ZNF7: variants seen among roughly 807,000 people sequenced by gnomAD.
ZNF7 encodes C2-H2 type zinc finger protein.
In ZNF7, 10 loss-of-function variants were observed where a neutral mutation model predicts 12.0. That is an observed-to-expected ratio of 0.83 (90% CI 0.51 to 1.42). The LOEUF (loss-of-function observed/expected upper bound fraction) is 1.42. Among genes scored for constraint, ZNF7 ranks in the 40% most tolerant of loss-of-function variants. ZNF7 has a pLI of 0.00. For missense variants in ZNF7, 854 were observed against 837.2 expected (o/e 1.02, Z -0.25); for synonymous variants, 334 against 295.0 (o/e 1.13, Z -1.35).
At position 144,843,235 on chromosome 8, in the gene ZNF7, GAATCGTTTA is replaced by G; in HGVS notation, c.*68_*76del. 6.8e-7 allele frequency: 1 copy of G among 1,478,990 alleles called. No homozygotes were observed. Among genetic ancestry groups the G allele is most frequent in the Admixed American group, 2.3e-5 (1 of 43,180 alleles). The allele number at this position is 1,478,990 out of a possible 1,614,324, so 91.6% of individuals were successfully genotyped here. A position where few individuals can be genotyped will look rare whatever the true frequency, so the allele number is the denominator to read the frequency against. ...AGCCTTAACTTACTTATTTTATATGGAATCGTTTATACTGACAAACATGTAGAATGTTGG... is the reference window on the plus strand; with the variant it reads ...AGCCTTAACTTACTTATTTTATATGGTACTGACAAACATGTAGAATGTTGG... On this transcript the variant is annotated 3_prime_UTR_variant, in exon 5 of 5. Transcript: ENST00000532777.
At chr8:144,835,140 C>G (rs1828847641) in intron 3 of ZNF7, 1 of 151,890 alleles carries the variant, frequency 6.6e-6, no homozygotes. Context: ...TCTGTAAAAC[C>G]ATCGGGACCT....
downstream of ZNF7, chr8:144,846,113 C>T: frequency 6.5e-7 from 1 of 1,536,000 alleles, no homozygotes; most frequent in Non-Finnish European, 8.7e-7. Flanking sequence ...GTCATCTCCT[C>T]TTGGCCACTT....
Position 144,842,939 on chromosome 8 carries a change from A to G in ZNF7, c.1832A>G (p.Glu611Gly), listed in dbSNP as rs748846039. 6.2e-7 allele frequency: 1 copy of G among 1,614,208 alleles called. No homozygotes were observed. The highest frequency in any genetic ancestry group is 8.5e-7 in the Non-Finnish European group (1 of 1,180,020). Residue 611 changes from glutamate to glycine, a missense_variant, in exon 5 of 5, where the codon GAA becomes GGA. Transcript: ENST00000532777. The part of the protein sequence containing the change: ...RIHTRAQWFY[E>G]YGNALEGSTF... Reference sequence around the variant, plus strand: ...CACACTAGGGCCCAGTGGTTTTACGAATATGGGAATGCCCTGGAAGGGTCC... The same window carrying G: ...CACACTAGGGCCCAGTGGTTTTACGGATATGGGAATGCCCTGGAAGGGTCC...
chr8:144,832,763 A>T (rs1267856532), intron 3 of ZNF7, among the ~76,000 whole-genome samples: 2 of 152,184 alleles, frequency 1.3e-5, no homozygotes, highest in Non-Finnish European at 2.9e-5. Context: ...GGTCACTGAG[A>T]TGGGCTTCAT....
chr8:144,837,948 G>A, intron 4 of ZNF7: 1 of 644,708 alleles, frequency 1.6e-6, no homozygotes, highest in South Asian at 1.7e-5. Flanking sequence ...TCCTGTGGCT[G>A]CCATAACAAT....
At chr8:144,837,887 C>T in intron 4 of ZNF7, 1 of 581,030 alleles carries the variant, frequency 1.7e-6, no homozygotes, top group South Asian at 2.1e-5. Flanking sequence ...TAAGCATATT[C>T]CCTGAGGCAG....
chr8:144,843,838 T>G (rs1384374210), downstream of ZNF7: 2 of 152,174 alleles, frequency 1.3e-5, no homozygotes, highest in Admixed American at 6.5e-5. Flanking sequence ...TCACACTGGC[T>G]TCAACAATAC....
chr8:144,829,069 C>G lies in ZNF7; in HGVS notation c.-19C>G, dbSNP rs367573823. ...TCTCTCGGCCAGAACACGTGGATGC[C>G]CACCCACCACTGAGCCTCATGGTAG... is the stretch of plus-strand genomic sequence containing the variant. On this transcript the variant is annotated 5_prime_UTR_variant, in exon 2 of 5. Transcript: ENST00000532777. 1 of 1,614,042 alleles carries G rather than the reference C, an allele frequency of 6.2e-7. No individual in the cohort carries two copies. The highest frequency in any genetic ancestry group is 1.7e-5 in the Admixed American group (1 of 60,006).
chr8:144,845,972 A>G (rs1563851769), downstream of ZNF7: 10 of 1,536,186 alleles, frequency 6.5e-6, no homozygotes, highest in Non-Finnish European at 8.7e-6. Context: ...CTTTTTCTCT[A>G]CTTCAGGCTT....
chr8:144,837,380 C>G lies in ZNF7; in HGVS notation c.131-11C>G. ...ATGCTGACACTGTTGTCTTCTCTGC[C>G]GCACACACAGCAGGATTCCTGGTTT... On this transcript the variant is annotated splice_polypyrimidine_tract_variant and intron_variant, in intron 3 of 4. Coordinates refer to ENST00000532777, the MANE Select transcript of ZNF7 (RefSeq NM_003416.4). 1.9e-6 allele frequency: 3 copies of G among 1,599,104 alleles called. No individual in the cohort carries two copies. The Admixed American group carries it at 5.0e-5, about 27-fold the overall frequency.
chr8:144,828,015 A>G (rs1416679550), intron 1 of ZNF7: 1 of 152,266 alleles, frequency 6.6e-6, no homozygotes, highest in Non-Finnish European at 1.5e-5. Context: ...AAGGCCTAGG[A>G]TAAGTGACAG....
chr8:144,838,858 T>C (rs1165981987), intron 4 of ZNF7: 2 of 142,270 alleles, frequency 1.4e-5, no homozygotes, highest in African/African-American at 2.6e-5. Context: ...AGGAGAATGG[T>C]GTGAGCCCAG....
downstream of ZNF7, chr8:144,846,415 T>G: frequency 2.1e-6 from 1 of 487,508 alleles, no homozygotes; most frequent in Non-Finnish European, 3.7e-6. Context: ...AATTTGACTG[T>G]GCACAGTGTC....
chr8:144,843,385 T>A lies in ZNF7; in HGVS notation c.*217T>A, dbSNP rs561183404. The A allele has an allele frequency of 2.6e-5, 13 of 494,838 alleles. No homozygotes were observed. Among genetic ancestry groups the A allele is most frequent in the Non-Finnish European group, 3.8e-5 (11 of 291,090 alleles). 30.7% of individuals were successfully genotyped at this position (494,838 alleles called of 1,614,324 possible). A position where few individuals can be genotyped will look rare whatever the true frequency, so the allele number is the denominator to read the frequency against. On this transcript the variant is annotated 3_prime_UTR_variant, in exon 5 of 5. Transcript: ENST00000532777. The stretch of plus-strand genomic sequence containing the variant: ...CGGGCACATCACGAGGTCAGGAGGT[T>A]GAGACCATCCTGGGTAACAGGTGAA...
chr8:144,833,119 A>G (rs979284273), intron 3 of ZNF7, among the ~76,000 whole-genome samples: 2 of 148,102 alleles, frequency 1.4e-5, no homozygotes, highest in African/African-American at 5.0e-5. Flanking sequence ...AATCGCTTGA[A>G]CCTGGGAGGT....
Position 144,842,165 on chromosome 8 carries a change from A to G in ZNF7, c.1058A>G (p.Gln353Arg). Residue 353 changes from glutamine to arginine, a missense_variant, in exon 5 of 5, where the codon CAG becomes CGG. Coordinates refer to ENST00000532777, the MANE Select transcript of ZNF7 (RefSeq NM_003416.4). ...FSQQSQLVRH[Q>R]RTHTGERPYP... ...CAGCAGTCGCAGCTGGTTAGACACCAGAGAACTCACACTGGGGAGAGGCCC... is the reference window on the plus strand; with the variant it reads ...CAGCAGTCGCAGCTGGTTAGACACCGGAGAACTCACACTGGGGAGAGGCCC... 6.2e-7 allele frequency: 1 copy of G among 1,614,194 alleles called. No individual in the cohort carries two copies. The highest frequency in any genetic ancestry group is 8.5e-7 in the Non-Finnish European group (1 of 1,180,020).
At position 144,832,166 on chromosome 8, in the gene ZNF7, C is replaced by T. The variant is rs1172200741; in HGVS notation, c.130+2562C>T. Among the ~76,000 whole-genome samples the T allele has an allele frequency of 7.9e-5, 8 of 101,738 alleles. 3 individuals are homozygous for T. Among genetic ancestry groups the T allele is most frequent in the Non-Finnish European group, 1.2e-4 (5 of 40,478 alleles). 66.7% of individuals were successfully genotyped at this position (101,738 alleles called of 152,430 possible). A position where few individuals can be genotyped will look rare whatever the true frequency, so the allele number is the denominator to read the frequency against. ...CAGTGGCTCACACCTGTAATCCCAG[C>T]GCTTTGGGAGGCCAAGGCGGGCGGA... On this transcript the variant is annotated intron_variant, in intron 3 of 4. Coordinates refer to ENST00000532777, the MANE Select transcript of ZNF7 (RefSeq NM_003416.4).
intron 4 of ZNF7, 38 bp downstream of exon 4, chr8:144,837,545 G>A (rs1479046882): frequency 1.3e-6 from 2 of 1,499,324 alleles, no homozygotes; most frequent in East Asian, 4.6e-5. Flanking sequence ...GCCCTGGGGT[G>A]AGGAGAAACT....
chr8:144,829,693 C>G, intron 3 of ZNF7, 89 bp downstream of exon 3: 1 of 1,495,552 alleles, frequency 6.7e-7, no homozygotes, highest in East Asian at 2.3e-5. Flanking sequence ...GTATGCAGGC[C>G]AAACGCTCAG....
Sources: allele counts gnomAD v4.1 joint callset (sites outside exome capture counted in the v4.1 genomes callset), GRCh38; gene constraint gnomAD v4.1.1; transcripts MANE v1.5; gene names NCBI Gene and HGNC (gene_info 2026-07-23, HGNC 2026-07-21).